CASK: variants seen among roughly 807,000 people sequenced by gnomAD.
CASK encodes calcium/calmodulin dependent serine protein kinase, also known as peripheral plasma membrane protein CASK.
CASK carries 4 observed loss-of-function variants against 82.9 expected under a neutral mutation model. The ratio of observed to expected loss-of-function variants is 0.05; its 90% CI spans 0.02 to 0.11. The LOEUF (loss-of-function observed/expected upper bound fraction) is 0.11. CASK is among the 10% of genes least tolerant of loss of function. CASK has a pLI of 1.00. For synonymous variants in CASK, 259 were observed against 253.5 expected, an observed-to-expected ratio of 1.02 and a Z score of -0.20; for missense variants, 358 against 720.9, an observed-to-expected ratio of 0.50 and a Z score of 5.76.
intron 3 of CASK, among the ~76,000 whole-genome samples, chrX:41,770,563 A>G (rs912432819): frequency 4.6e-5 from 5 of 109,725 alleles, no homozygotes; most frequent in African/African-American, 1.7e-4. Context: ...ATTTTTTTGT[A>G]TTTTTAGTAG....
intron 1 of CASK, among the ~76,000 whole-genome samples, chrX:41,871,295 C>T (rs2071704302): frequency 9.0e-6 from 1 of 111,557 alleles, no homozygotes; most frequent in African/African-American, 3.3e-5. Flanking sequence ...CTTTCATTAA[C>T]AGGAAACAGT....
intron 1 of CASK, among the ~76,000 whole-genome samples, chrX:41,922,329 T>C (rs1030307435): frequency 9.0e-6 from 1 of 111,416 alleles, no homozygotes; most frequent in Non-Finnish European, 1.9e-5. Flanking sequence ...TCTCGAGCAC[T>C]GATTGAACAG....
intron 2 of CASK, among the ~76,000 whole-genome samples, chrX:41,823,731 T>C (rs1293052895): frequency 1.8e-5 from 2 of 111,427 alleles, no homozygotes; most frequent in Non-Finnish European, 3.8e-5. Flanking sequence ...TACTTCTCTT[T>C]CCCCCTCCTG....
At chrX:41,643,054 T>A (rs2066687921) in intron 8 of CASK, among the ~76,000 whole-genome samples, 3 of 111,522 alleles carry the variant, frequency 2.7e-5, no homozygotes, top group African/African-American at 9.8e-5. Flanking sequence ...GATCAGATGG[T>A]TGTAGTTGTG....
chrX:41,836,912 A>G (rs1249925177), intron 2 of CASK, among the ~76,000 whole-genome samples: 3 of 112,320 alleles, frequency 2.7e-5, no homozygotes, highest in East Asian at 5.6e-4. Context: ...CACAAAATGA[A>G]TACAAATTTC....
chrX:41,766,124 AATCT>A (rs1349352577), intron 3 of CASK, among the ~76,000 whole-genome samples: 12 of 112,002 alleles, frequency 1.1e-4, no homozygotes, highest in Non-Finnish European at 7.5e-5. Flanking sequence ...AACAAACTTA[AATCT>A]ATCTATATCA....
chrX:41,919,869 C>T (rs543422082), intron 1 of CASK, among the ~76,000 whole-genome samples: 1 of 112,126 alleles, frequency 8.9e-6, no homozygotes, highest in East Asian at 2.8e-4. Flanking sequence ...ACAGCTTTAA[C>T]AAGGGTAAAG....
At chrX:41,733,195 G>T (rs750215490) in intron 5 of CASK, among the ~76,000 whole-genome samples, 1 of 100,801 alleles carries the variant, frequency 9.9e-6, no homozygotes, top group African/African-American at 3.6e-5. Flanking sequence ...AAAAAAAAAG[G>T]AGAGAGAGAG....
chrX:41,812,551 T>TA (rs1329462282), intron 2 of CASK, among the ~76,000 whole-genome samples: 2 of 111,614 alleles, frequency 1.8e-5, no homozygotes, highest in Admixed American at 1.9e-4. Flanking sequence ...CCCTTCATGC[T>TA]AAAAACTCTC....
In CASK at chrX:41,672,209, T is replaced by C. The variant is rs181003502; in HGVS notation, c.430-679A>G. 7.2e-3 allele frequency among the ~76,000 whole-genome samples: 800 copies of C among 111,488 alleles called. 6 individuals are homozygous for C. The highest frequency in any genetic ancestry group is 0.014 in the Admixed American group (149 of 10,506). Reference sequence around the variant, plus strand: ...GAAAGAAAACCACTTGCCTGATTCCTAGTCCAGGGCAAAGACATCCTCTCC... The same window carrying C: ...GAAAGAAAACCACTTGCCTGATTCCCAGTCCAGGGCAAAGACATCCTCTCC... On this transcript the variant is annotated intron_variant, in intron 5 of 26. Coordinates refer to ENST00000378163, the MANE Select transcript of CASK (RefSeq NM_001367721.1).
chrX:41,681,656 G>T (rs920423011), intron 5 of CASK, among the ~76,000 whole-genome samples: 4 of 111,693 alleles, frequency 3.6e-5, no homozygotes, highest in African/African-American at 9.7e-5. Context: ...GGTGATGCTA[G>T]AAGTGCTCCT....
rs371193962 is a variant in CASK, at chrX:41,808,658, G to A, written c.173-21375C>T. 1.2e-4 allele frequency among the ~76,000 whole-genome samples: 13 copies of A among 112,204 alleles called. No individual in the cohort carries two copies. The East Asian group carries it at 1.7e-3, about 15-fold the overall frequency. On this transcript the variant is annotated intron_variant, in intron 2 of 26. Coordinates refer to ENST00000378163, the MANE Select transcript of CASK (RefSeq NM_001367721.1). ...TCCCAGCGTGAGCGACGCAGAAGAC[G>A]GGTGATTTCTGCATTTCCAACTGAG...
intron 25 of CASK, among the ~76,000 whole-genome samples, chrX:41,525,871 T>A (rs1443078426): frequency 8.9e-6 from 1 of 111,796 alleles, no homozygotes; most frequent in Non-Finnish European, 1.9e-5. Context: ...TGAATTTTAG[T>A]CACACAGCAT....
chrX:41,893,989 G>C (rs1308226191), intron 1 of CASK, among the ~76,000 whole-genome samples: 1 of 111,399 alleles, frequency 9.0e-6, no homozygotes, highest in Non-Finnish European at 1.9e-5. Context: ...GAAAAATTAT[G>C]AGACATTCAA....
intron 8 of CASK, among the ~76,000 whole-genome samples, chrX:41,653,152 G>C (rs1387517672): frequency 8.9e-6 from 1 of 112,781 alleles, no homozygotes; most frequent in Non-Finnish European, 1.9e-5. Flanking sequence ...TGCGAGAGCA[G>C]AGGAAAACAG....
chrX:41,696,308 A>T (rs2067688308), intron 5 of CASK: 1 of 1,180,172 alleles, frequency 8.5e-7, no homozygotes, highest in Non-Finnish European at 1.1e-6. Context: ...TTCTTGTGGT[A>T]ATGTTCTGGC....
At chrX:41,772,308 G>A (rs181064543) in intron 3 of CASK, among the ~76,000 whole-genome samples, 6 of 83,646 alleles carry the variant, frequency 7.2e-5, no homozygotes, top group Non-Finnish European at 1.1e-4. Context: ...CCGAGATCAC[G>A]CCACTCCAGC....
intron 5 of CASK, among the ~76,000 whole-genome samples, chrX:41,674,132 CA>C (rs2067234153): frequency 9.1e-6 from 1 of 109,845 alleles, no homozygotes; most frequent in African/African-American, 3.3e-5. Flanking sequence ...TCAGGATAGG[CA>C]GGGTTTTAAA....
At chrX:41,664,908 T>C (rs1432089952) in intron 7 of CASK, among the ~76,000 whole-genome samples, 1 of 113,126 alleles carries the variant, frequency 8.8e-6, no homozygotes, top group Non-Finnish European at 1.9e-5. Flanking sequence ...TGTTTTCAGC[T>C]GTGCTGGCCT....
Sources: allele counts gnomAD v4.1 joint callset (sites outside exome capture counted in the v4.1 genomes callset), GRCh38; gene constraint gnomAD v4.1.1; transcripts MANE v1.5; gene names NCBI Gene and HGNC (gene_info 2026-07-23, HGNC 2026-07-21).